MGAM2: variants seen among roughly 807,000 people sequenced by gnomAD.
MGAM2 encodes maltase-glucoamylase 2 (putative).
A neutral mutation model predicts 96.1 loss-of-function variants in MGAM2; 98 were observed. The observed-to-expected ratio is 1.02, with a 90% CI of 0.87 to 1.21. MGAM2 has a LOEUF of 1.21. Ranked by LOEUF, MGAM2 falls within the 50% of genes most tolerant of loss-of-function variation. The probability of loss-of-function intolerance (pLI) is 0.00; values close to 1 mark genes in which losing one functional copy is unlikely to be tolerated. For synonymous variants in MGAM2, 749 were observed against 414.8 expected (o/e 1.81, Z -9.79); for missense variants, 2,055 against 1,182.4 (o/e 1.74, Z -10.82).
At chr7:142,124,830 A>G (rs1157534517) in intron 3 of MGAM2, among the ~76,000 whole-genome samples, 1 of 152,006 alleles carries the variant, frequency 6.6e-6, no homozygotes, top group Non-Finnish European at 1.5e-5. Context: ...TTATTCTTAA[A>G]TTTTAATTTT....
At chr7:142,164,004 TA>T (rs1375289013) in intron 23 of MGAM2, among the ~76,000 whole-genome samples, 1 of 152,130 alleles carries the variant, frequency 6.6e-6, no homozygotes, top group African/African-American at 2.4e-5. Flanking sequence ...ATCTCCCATT[TA>T]AAAAAATATA....
At chr7:142,207,432 A>T (rs1057474549) in intron 45 of MGAM2, among the ~76,000 whole-genome samples, 10 of 150,620 alleles carry the variant, frequency 6.6e-5, no homozygotes, top group South Asian at 2.1e-4. Flanking sequence ...ATTTATTTTT[A>T]TTTATTTTTT....
rs531935383 is a variant in MGAM2 at position 142,175,429 on chromosome 7, G to C, written c.3688-223G>C. On this transcript the variant is annotated intron_variant, in intron 31 of 47. Transcript: ENST00000477922. ...GGATAGAGTTCCAATTGGGGAAACA[G>C]AAGGAGAAGGAGTGGGCACAGGTGA... 4.2e-5 allele frequency among the ~76,000 whole-genome samples: 5 copies of C among 120,324 alleles called. No homozygotes were observed. The Admixed American group carries it at 4.4e-4, about 10-fold the overall frequency. 78.9% of individuals were successfully genotyped at this position (120,324 alleles called of 152,430 possible).
chr7:142,198,197 T>C lies in MGAM2; in HGVS notation c.4923+2T>C, dbSNP rs753900359. 1 of 702,420 alleles carries C rather than the reference T, an allele frequency of 1.4e-6. No homozygotes were observed. Among genetic ancestry groups the C allele is most frequent in the South Asian group, 1.5e-5 (1 of 67,414 alleles). 43.5% of individuals were successfully genotyped at this position (702,420 alleles called of 1,614,324 possible). On this transcript the variant is annotated splice_donor_variant, in intron 43 of 47. Transcript: ENST00000477922. LOFTEE classifies it high-confidence loss of function. ...GCCCGTTGGTATGACTATAGCACGG[T>C]AAGAACTAATATATTTGTGAAGAAC...
intron 35 of MGAM2, 89 bp downstream of exon 35, chr7:142,186,212 T>A: frequency 1.5e-6 from 1 of 658,784 alleles, no homozygotes; most frequent in Non-Finnish European, 2.7e-6. Context: ...AGCAGAGACA[T>A]AGGGCTGAAG....
chr7:142,147,671 A>AT (rs994349713), intron 15 of MGAM2, 98 bp downstream of exon 15: 22 of 562,218 alleles, frequency 3.9e-5, no homozygotes, highest in Middle Eastern at 3.3e-4. Flanking sequence ...TTGTTCAAAT[A>AT]TTTTTTGCAT....
rs1554502849 is a variant in MGAM2 at position 142,135,723 on chromosome 7, T to TGCACACAC, written c.748-818_748-817insGCACACAC. ...CTTTTATTCTTACAGCACTTAGAGT[T>TGCACACAC]ACACACACACACACACACACACACA... On this transcript the variant is annotated intron_variant, in intron 7 of 47. Coordinates refer to ENST00000477922, the MANE Select transcript of MGAM2 (RefSeq NM_001293626.2). 2.8e-4 allele frequency among the ~76,000 whole-genome samples: 40 copies of TGCACACAC among 145,208 alleles called. 1 individual carries two copies. The highest frequency in any genetic ancestry group is 9.4e-4 in the African/African-American group (37 of 39,498).
intron 10 of MGAM2, among the ~76,000 whole-genome samples, chr7:142,139,781 G>A (rs1319066674): frequency 2.0e-5 from 3 of 151,964 alleles, no homozygotes; most frequent in Non-Finnish European, 4.4e-5. Context: ...GATGAGGGCA[G>A]GCAGGGGGAT....
rs570174109 is a variant in MGAM2 at position 142,164,607 on chromosome 7, G to A, written c.2485-249G>A. ...TTGAAAATTCTACAGTGTCAGGGACGTATTTTCCGATTAATAGAATCAGTA... is the reference window on the plus strand; with the variant it reads ...TTGAAAATTCTACAGTGTCAGGGACATATTTTCCGATTAATAGAATCAGTA... On this transcript the variant is annotated intron_variant, in intron 23 of 47. Transcript: ENST00000477922. Among the ~76,000 whole-genome samples the A allele has an allele frequency of 1.6e-4, 25 of 152,144 alleles. No individual in the cohort carries two copies. The South Asian group carries it at 3.5e-3, about 21-fold the overall frequency.
At chr7:142,116,411 A>G (rs1358830916) in intron 1 of MGAM2, among the ~76,000 whole-genome samples, 3 of 152,216 alleles carry the variant, frequency 2.0e-5, no homozygotes, top group Non-Finnish European at 2.9e-5. Flanking sequence ...CAGTGACTTC[A>G]GCATCATGTC....
chr7:142,204,185 A>G (rs986021428), intron 45 of MGAM2, among the ~76,000 whole-genome samples: 8 of 151,966 alleles, frequency 5.3e-5, no homozygotes, highest in Admixed American at 3.3e-4. Flanking sequence ...TTTTTGGCGT[A>G]TAGTTCTTGT....
rs747398793 is a variant in MGAM2, at chr7:142,197,380, A to G, written c.4633-20A>G. On this transcript the variant is annotated intron_variant, in intron 40 of 47. Transcript: ENST00000477922. ...GAATGAAGAAGAGGTGATCCATTAT[A>G]TGCTTCTTTATCCTTACAGAGACAA... 5.1e-5 allele frequency: 36 copies of G among 702,144 alleles called. No individual in the cohort carries two copies. Among genetic ancestry groups the G allele is most frequent in the African/African-American group, 1.7e-5 (1 of 57,220 alleles). The allele number at this position is 702,144 out of a possible 1,614,324, so 43.5% of individuals were successfully genotyped here.
At chr7:142,195,204 T>A (rs1796994327) in intron 37 of MGAM2, among the ~76,000 whole-genome samples, 2 of 152,120 alleles carry the variant, frequency 1.3e-5, no homozygotes, top group South Asian at 4.1e-4. Flanking sequence ...CCCAGCTAAT[T>A]TTATTTTTTT....
intron 24 of MGAM2, 107 bp downstream of exon 24, chr7:142,165,130 T>C (rs991770493): frequency 2.9e-5 from 16 of 550,638 alleles, no homozygotes; most frequent in Non-Finnish European, 5.1e-5. Flanking sequence ...ACTGACTTGC[T>C]GGGAGGTCCA....
At chr7:142,150,028 G>A (rs1342854123) in intron 15 of MGAM2, among the ~76,000 whole-genome samples, 1 of 151,390 alleles carries the variant, frequency 6.6e-6, no homozygotes, top group Non-Finnish European at 1.5e-5. Context: ...TGAAACCTCC[G>A]CCTCCCGGGT....
At chr7:142,139,385 T>G (rs1312398937) in intron 10 of MGAM2, among the ~76,000 whole-genome samples, 2 of 152,034 alleles carry the variant, frequency 1.3e-5, no homozygotes, top group African/African-American at 4.8e-5. Context: ...GTTGGCCCAG[T>G]GCGGTGGCTC....
At chr7:142,174,435 A>G (rs118112940) in intron 31 of MGAM2, among the ~76,000 whole-genome samples, 1,773 of 152,116 alleles carry the variant, frequency 0.012, 16 homozygotes, top group Non-Finnish European at 0.018. Context: ...TGTGGCAATT[A>G]TGAATGGGAG....
At chr7:142,171,724 AC>A (rs967716177) in intron 28 of MGAM2, among the ~76,000 whole-genome samples, 2 of 144,662 alleles carry the variant, frequency 1.4e-5, no homozygotes, top group Admixed American at 1.4e-4. Context: ...TATCTCACAA[AC>A]TTTTAGTTAA....
intron 19 of MGAM2, among the ~76,000 whole-genome samples, 164 bp from the exon 20 acceptor site, chr7:142,159,123 T>TA (rs1170335406): frequency 3.3e-5 from 5 of 152,192 alleles, no homozygotes; most frequent in African/African-American, 1.2e-4. Context: ...CTGCTTTGGG[T>TA]AAATTGCTCA....
Sources: gnomAD v4.1 joint callset for allele counts (sites outside exome capture counted in the v4.1 genomes callset) on GRCh38, gnomAD v4.1.1 for gene constraint, MANE v1.5 for transcripts, NCBI Gene and HGNC (gene_info 2026-07-23, HGNC 2026-07-21) for gene names.